Variants in NRXN1 observed in about 807,000 individuals in gnomAD.
NRXN1 encodes the protein neurexin 1.
NRXN1 carries 39 observed loss-of-function variants against 150.9 expected under a neutral mutation model. The observed-to-expected ratio is 0.26, with a 90% CI of 0.20 to 0.34. The LOEUF is 0.34. NRXN1 is among the 10% of genes least tolerant of loss of function. The pLI is 1.00. For missense variants in NRXN1, 1,815 were observed against 1,949.9 expected (o/e 0.93, Z 1.30); for synonymous variants, 924 against 757.0 (o/e 1.22, Z -3.62).
intron 5 of NRXN1, among the ~76,000 whole-genome samples, chr2:50,797,923 G>A (rs1003187940): frequency 6.6e-6 from 1 of 152,128 alleles, no homozygotes; most frequent in Admixed American, 6.6e-5. Context: ...CAGTTGTCTT[G>A]TACACAAATA....
intron 17 of NRXN1, among the ~76,000 whole-genome samples, chr2:50,286,795 G>A (rs114726444): frequency 0.013 from 1,902 of 152,024 alleles, 22 homozygotes; most frequent in Non-Finnish European, 0.02. Context: ...TCATATTATC[G>A]CAGAATAAGC....
intron 17 of NRXN1, among the ~76,000 whole-genome samples, chr2:50,308,501 AT>A (rs912026334): frequency 2.7e-5 from 4 of 149,962 alleles, no homozygotes; most frequent in South Asian, 2.1e-4. Context: ...GTAAGTTTTT[AT>A]TTTTTTTTAA....
chr2:50,659,713 C>T (rs1323925346), intron 5 of NRXN1, among the ~76,000 whole-genome samples: 1 of 150,820 alleles, frequency 6.6e-6, no homozygotes, highest in Non-Finnish European at 1.5e-5. Flanking sequence ...AATTCATATA[C>T]ATTTTAGCTT....
At chr2:50,715,516 G>A (rs1363522395) in intron 5 of NRXN1, among the ~76,000 whole-genome samples, 7 of 152,116 alleles carry the variant, frequency 4.6e-5, no homozygotes, top group Non-Finnish European at 1.0e-4. Flanking sequence ...TGGATATAGA[G>A]GGCTCATAAA....
At chr2:50,899,624 G>C (rs1016952687) in intron 5 of NRXN1, among the ~76,000 whole-genome samples, 17 of 152,288 alleles carry the variant, frequency 1.1e-4, no homozygotes, top group Middle Eastern at 6.8e-3. Flanking sequence ...TCCTTGAAGA[G>C]AGAGTTAATT....
intron 3 of NRXN1, chr2:50,923,338 T>G: frequency 4.0e-6 from 1 of 248,116 alleles, no homozygotes; most frequent in Non-Finnish European, 8.7e-6. Context: ...GCAAATACAC[T>G]AAAGCAATTT....
In NRXN1 at chr2:51,027,609, T is replaced by A; in HGVS notation, c.665A>T (p.Glu222Val). ...GGGSPCEAGE[E>V]GEGGVCLNGG... Reference sequence around the variant, plus strand: ...GTTGAGGCACACCCCGCCCTCGCCCTCCTCGCCCGCCTCGCACGGGCTTCC... The same window carrying A: ...GTTGAGGCACACCCCGCCCTCGCCCACCTCGCCCGCCTCGCACGGGCTTCC... Residue 222 changes from glutamate to valine, a missense_variant, in exon 2 of 23, where the codon GAG (glutamate) becomes GTG (valine). Glu to Val is a moderately radical substitution (Grantham distance 121). Coordinates refer to ENST00000401669, the MANE Select transcript of NRXN1 (RefSeq NM_001330078.2). 1 of 1,593,602 alleles carries A rather than the reference T, an allele frequency of 6.3e-7. No homozygotes were observed. Among genetic ancestry groups the A allele is most frequent in the Non-Finnish European group, 8.5e-7 (1 of 1,170,278 alleles).
At chr2:50,121,936 C>T (rs1426978725) in intron 18 of NRXN1, among the ~76,000 whole-genome samples, 1 of 152,128 alleles carries the variant, frequency 6.6e-6, no homozygotes, top group Non-Finnish European at 1.5e-5. Flanking sequence ...GAAGGACATA[C>T]TAAATAAACA....
Position 50,552,800 on chromosome 2 carries a change from G to T in NRXN1, c.1546C>A (p.Leu516Ile), listed in dbSNP as rs781442387. 3.7e-6 allele frequency: 6 copies of T among 1,613,810 alleles called. No individual in the cohort carries two copies. Among genetic ancestry groups the T allele is most frequent in the Admixed American group, 1.7e-5 (1 of 60,000 alleles). ...GGCTTGCCATGGCTAAATAAGATGA[G>T]GCCATTTGGCTCTGTTGTACGGAAA... ...FDFRTTEPNG[L>I]ILFSHGKPRH... Residue 516 changes from leucine (L) to isoleucine (I), a missense_variant, in exon 9 of 23, where the codon CTC becomes ATC. Transcript: ENST00000401669.
At chr2:50,305,389 T>G (rs996924265) in intron 17 of NRXN1, among the ~76,000 whole-genome samples, 2 of 152,210 alleles carry the variant, frequency 1.3e-5, no homozygotes, top group Non-Finnish European at 2.9e-5. Context: ...CAAATAGCCA[T>G]TTAATTTTGT....
chr2:50,306,437 G>C (rs2074616522), intron 17 of NRXN1, among the ~76,000 whole-genome samples: 1 of 152,136 alleles, frequency 6.6e-6, no homozygotes, highest in East Asian at 1.9e-4. Flanking sequence ...CTTTAACTTA[G>C]CAAACACTCA....
chr2:50,788,913 G>A (rs550203373), intron 5 of NRXN1, among the ~76,000 whole-genome samples: 2 of 152,226 alleles, frequency 1.3e-5, no homozygotes, highest in South Asian at 2.1e-4. Flanking sequence ...CTCAATAAAG[G>A]TGCTACCTCG....
rs759074285 is a variant in NRXN1, at chr2:50,531,223, T to C, written c.2347+4A>G. On this transcript the variant is annotated splice_donor_region_variant and intron_variant, in intron 11 of 22. Transcript: ENST00000401669. ...TAGTTCAATGGGGGAAGGCAGGTTG[T>C]TACCTAGATTGACCGTCAGTTTCAC... 6 of 1,610,900 alleles carry C rather than the reference T, an allele frequency of 3.7e-6. No individual in the cohort carries two copies. Among genetic ancestry groups the C allele is most frequent in the Non-Finnish European group, 5.1e-6 (6 of 1,178,304 alleles).
At chr2:50,144,747 C>T (rs568889597) in intron 18 of NRXN1, among the ~76,000 whole-genome samples, 3 of 151,674 alleles carry the variant, frequency 2.0e-5, no homozygotes, top group African/African-American at 7.2e-5. Flanking sequence ...TTGTGCCAGT[C>T]GATAATTTCT....
intron 17 of NRXN1, among the ~76,000 whole-genome samples, chr2:50,328,674 T>G (rs865797552): frequency 4.3e-4 from 65 of 152,252 alleles, no homozygotes; most frequent in African/African-American, 1.5e-3. Flanking sequence ...AGGCAGAGGT[T>G]GCAGTGAGCC....
At chr2:50,260,518 G>A (rs2068145993) in intron 17 of NRXN1, among the ~76,000 whole-genome samples, 1 of 151,182 alleles carries the variant, frequency 6.6e-6, no homozygotes, top group East Asian at 1.9e-4. Flanking sequence ...ACACTCCTCA[G>A]AGGGAGAAAA....
chr2:50,470,065 G>A (rs1036134997), intron 16 of NRXN1, among the ~76,000 whole-genome samples: 1 of 151,506 alleles, frequency 6.6e-6, no homozygotes, highest in Non-Finnish European at 1.5e-5. Context: ...ATCTCATTGG[G>A]TATATCTGCC....
At chr2:50,269,858 C>T (rs924107325) in intron 17 of NRXN1, among the ~76,000 whole-genome samples, 5 of 152,104 alleles carry the variant, frequency 3.3e-5, no homozygotes, top group East Asian at 3.9e-4. Flanking sequence ...GGAAAAGACT[C>T]GTTCCTTAAA....
chr2:50,838,271 C>T (rs1672380472), intron 5 of NRXN1, among the ~76,000 whole-genome samples: 1 of 151,892 alleles, frequency 6.6e-6, no homozygotes, highest in Non-Finnish European at 1.5e-5. Flanking sequence ...ATTCTGTTTC[C>T]CATAATGAAA....
Sources: allele counts gnomAD v4.1 joint callset (sites outside exome capture counted in the v4.1 genomes callset), GRCh38; gene constraint gnomAD v4.1.1; transcripts MANE v1.5; gene names NCBI Gene and HGNC (gene_info 2026-07-23, HGNC 2026-07-21).